Variants in TAFA2 observed in about 807,000 individuals in gnomAD.
TAFA2 encodes TAFA chemokine like family member 2.
TAFA2 carries 7 observed loss-of-function variants against 18.8 expected under a neutral mutation model. The ratio of observed to expected loss-of-function variants is 0.37; its 90% CI spans 0.21 to 0.70. The LOEUF is 0.70. Ranked by LOEUF, TAFA2 falls within the 30% of genes least tolerant of loss-of-function variation. The probability of loss-of-function intolerance (pLI) is 0.53; values close to 1 mark genes in which losing one functional copy is unlikely to be tolerated. For missense variants in TAFA2, 122 were observed against 158.1 expected (o/e 0.77, Z 1.23); for synonymous variants, 60 against 54.2 (o/e 1.11, Z -0.47).
chr12:62,203,929 T>C (rs2062682014), intron 1 of TAFA2, among the ~76,000 whole-genome samples: 1 of 152,190 alleles, frequency 6.6e-6, no homozygotes, highest in Non-Finnish European at 1.5e-5. Context: ...CCTCATAGTG[T>C]CTTTGGTCTT....
intron 1 of TAFA2, among the ~76,000 whole-genome samples, chr12:62,067,593 T>C (rs1009264216): frequency 2.6e-5 from 4 of 152,056 alleles, no homozygotes; most frequent in Non-Finnish European, 5.9e-5. Flanking sequence ...ATGTATATTC[T>C]TGGCACCTCT....
At chr12:61,748,625 G>A (rs1868850625) in intron 4 of TAFA2, among the ~76,000 whole-genome samples, 1 of 152,090 alleles carries the variant, frequency 6.6e-6, no homozygotes, top group African/African-American at 2.4e-5. Context: ...GAGTCACTGA[G>A]ATTTGGTATG....
intron 1 of TAFA2, among the ~76,000 whole-genome samples, chr12:61,943,685 C>T (rs1355652525): frequency 6.6e-6 from 1 of 152,154 alleles, no homozygotes; most frequent in Middle Eastern, 3.4e-3. Context: ...TTTAAATCAA[C>T]AAAGATCAGA....
chr12:62,184,224 A>C (rs1352092350), intron 1 of TAFA2, among the ~76,000 whole-genome samples: 1 of 152,152 alleles, frequency 6.6e-6, no homozygotes, highest in African/African-American at 2.4e-5. Flanking sequence ...CCCAATTCTG[A>C]ATGTATATTG....
intron 1 of TAFA2, among the ~76,000 whole-genome samples, chr12:62,239,985 T>C (rs1192534298): frequency 6.6e-6 from 1 of 152,038 alleles, no homozygotes; most frequent in Non-Finnish European, 1.5e-5. Context: ...ACTAAAGATC[T>C]ACTCTCCAAG....
chr12:62,086,449 A>G (rs951219188), intron 1 of TAFA2, among the ~76,000 whole-genome samples: 4 of 152,158 alleles, frequency 2.6e-5, no homozygotes, highest in African/African-American at 7.2e-5. Flanking sequence ...CAACTGAATA[A>G]CAACAAACCA....
intron 4 of TAFA2, among the ~76,000 whole-genome samples, chr12:61,733,706 T>C (rs1359438713): frequency 6.6e-6 from 1 of 151,736 alleles, no homozygotes; most frequent in Non-Finnish European, 1.5e-5. Context: ...TCAGGTAGCA[T>C]GATGCCTCCA....
chr12:61,954,484 G>A (rs2121459750), intron 1 of TAFA2, among the ~76,000 whole-genome samples: 1 of 152,068 alleles, frequency 6.6e-6, no homozygotes, highest in South Asian at 2.1e-4. Context: ...TTCATAGTAT[G>A]GATTTGGTTA....
chr12:62,073,649 G>A (rs1882690729), intron 1 of TAFA2, among the ~76,000 whole-genome samples: 2 of 152,102 alleles, frequency 1.3e-5, no homozygotes, highest in Admixed American at 1.3e-4. Context: ...TTGGTAAGTG[G>A]CAGAGCCAAA....
At chr12:62,018,451 T>C (rs901821476) in intron 1 of TAFA2, among the ~76,000 whole-genome samples, 3 of 152,058 alleles carry the variant, frequency 2.0e-5, no homozygotes, top group Admixed American at 6.6e-5. Context: ...TCAGTTCAAC[T>C]AAACTTAAAA....
chr12:62,112,150 G>A (rs1869762126), intron 1 of TAFA2, among the ~76,000 whole-genome samples: 1 of 152,066 alleles, frequency 6.6e-6, no homozygotes, highest in South Asian at 2.1e-4. Context: ...CATATTTAGT[G>A]CTTCCTTCAG....
chr12:62,194,927 T>C (rs2062642832), upstream of TAFA2, among the ~76,000 whole-genome samples: 1 of 152,184 alleles, frequency 6.6e-6, no homozygotes, highest in Admixed American at 6.5e-5. Flanking sequence ...AATGTACATA[T>C]CTTACCTTGA....
chr12:62,071,496 C>T (rs542048378), intron 1 of TAFA2, among the ~76,000 whole-genome samples: 2 of 152,236 alleles, frequency 1.3e-5, no homozygotes, highest in South Asian at 4.2e-4. Context: ...ACTCCAAGCA[C>T]TTTGGGAGGC....
chr12:61,823,659 T>C (rs1872413541), intron 2 of TAFA2, among the ~76,000 whole-genome samples: 1 of 152,196 alleles, frequency 6.6e-6, no homozygotes, highest in African/African-American at 2.4e-5. Flanking sequence ...AACTCTGCCA[T>C]AGTTTCAGCC....
At chr12:62,026,912 A>T (rs184560592) in intron 1 of TAFA2, among the ~76,000 whole-genome samples, 167 of 152,208 alleles carry the variant, frequency 1.1e-3, no homozygotes, top group Non-Finnish European at 2.1e-3. Flanking sequence ...TATAGGCCTA[A>T]CTTATTTGAT....
intron 1 of TAFA2, among the ~76,000 whole-genome samples, chr12:62,154,045 A>G (rs1340156230): frequency 1.3e-5 from 2 of 152,052 alleles, no homozygotes; most frequent in African/African-American, 2.4e-5. Flanking sequence ...CCTCCTGAGT[A>G]GCTGAACCTA....
At chr12:61,940,730 G>A (rs1273055188) in intron 1 of TAFA2, among the ~76,000 whole-genome samples, 1 of 152,130 alleles carries the variant, frequency 6.6e-6, no homozygotes, top group Non-Finnish European at 1.5e-5. Context: ...GTCAGTAAAT[G>A]CCACTTGAGG....
At chr12:62,047,066 A>T (rs1881928627) in intron 1 of TAFA2, among the ~76,000 whole-genome samples, 1 of 152,088 alleles carries the variant, frequency 6.6e-6, no homozygotes, top group African/African-American at 2.4e-5. Flanking sequence ...ATCTTAAAAC[A>T]AGGAAAGTAA....
chr12:61,997,488 C>T (rs944687528), intron 1 of TAFA2, among the ~76,000 whole-genome samples: 4 of 152,100 alleles, frequency 2.6e-5, no homozygotes, highest in Non-Finnish European at 5.9e-5. Context: ...GGCCCAGTGG[C>T]TCTTACAGCC....
Sources: allele counts gnomAD v4.1 joint callset (sites outside exome capture counted in the v4.1 genomes callset), GRCh38; gene constraint gnomAD v4.1.1; transcripts MANE v1.5; gene names NCBI Gene and HGNC (gene_info 2026-07-23, HGNC 2026-07-21).